PTP4A1: variants seen among roughly 807,000 people sequenced by gnomAD.
PTP4A1 encodes protein tyrosine phosphatase 4A1.
In PTP4A1, 9 loss-of-function variants were observed where a neutral mutation model predicts 20.5. The observed-to-expected ratio is 0.44, with a 90% CI of 0.26 to 0.77. The LOEUF (loss-of-function observed/expected upper bound fraction) is 0.77, where lower values mean the gene tolerates loss of function less well. Among genes scored for constraint, PTP4A1 ranks in the 30% least tolerant of loss-of-function variants. PTP4A1 has a pLI of 0.19. For synonymous variants in PTP4A1, 78 were observed against 67.4 expected, an observed-to-expected ratio of 1.16 and a Z score of -0.77; for missense variants, 137 against 218.8, an observed-to-expected ratio of 0.63 and a Z score of 2.36.
chr6:63,530,714 A>C (rs1406181453), intron 2 of PTP4A1, among the ~76,000 whole-genome samples: 1 of 152,230 alleles, frequency 6.6e-6, no homozygotes, highest in Non-Finnish European at 1.5e-5. Flanking sequence ...GATCAGAAGG[A>C]AGTACATCAA....
chr6:63,581,162 C>T lies in PTP4A1; in HGVS notation c.*988C>T, dbSNP rs1778201203. ...GTGTGATTTTTTTTTTCCTTCCCAA[C>T]CTCTCTTGCAAAAAAAGAAATGGGT... On this transcript the variant is annotated 3_prime_UTR_variant, in exon 6 of 6. Coordinates refer to ENST00000626021, the MANE Select transcript of PTP4A1 (RefSeq NM_003463.5). 6.6e-6 allele frequency: 1 copy of T among 151,824 alleles called. No homozygotes were observed. The highest frequency in any genetic ancestry group is 2.4e-5 in the African/African-American group (1 of 41,308). 9.4% of individuals were successfully genotyped at this position (151,824 alleles called of 1,614,324 possible). A position where few individuals can be genotyped will look rare whatever the true frequency, so the allele number is the denominator to read the frequency against.
intron 3 of PTP4A1, among the ~76,000 whole-genome samples, chr6:63,561,686 G>C (rs898271645): frequency 1.4e-4 from 21 of 152,128 alleles, no homozygotes; most frequent in Admixed American, 1.4e-3. Flanking sequence ...TGATTTCTTG[G>C]TTTATAGCCA....
In PTP4A1 at chr6:63,556,777, G is replaced by A. The variant is rs968350081; in HGVS notation, c.-446+6284G>A. On this transcript the variant is annotated intron_variant, in intron 3 of 3. Coordinates refer to the PTP4A1 transcript ENST00000639568. ...AAGTATGATTATTCTAAACAGTAAC[G>A]TAAAAGTGAGTTGTTAATCGACTTT... Among the ~76,000 whole-genome samples the A allele has an allele frequency of 4.6e-5, 7 of 152,112 alleles. No individual in the cohort carries two copies. In the South Asian group the frequency reaches 1.0e-3, roughly 22 times the overall value.
intron 3 of PTP4A1, among the ~76,000 whole-genome samples, chr6:63,555,500 T>C (rs16879705): frequency 0.075 from 11,412 of 152,254 alleles, 475 homozygotes; most frequent in East Asian, 0.16. Context: ...GAAGTATTAC[T>C]ACTGCCAGTG....
At chr6:63,563,576 T>G (rs13205487) in intron 3 of PTP4A1, among the ~76,000 whole-genome samples, 37,261 of 152,228 alleles carry the variant, frequency 0.24, 5,564 homozygotes, top group Non-Finnish European at 0.33. Flanking sequence ...TATTCTATGC[T>G]TATTTACTTG....
intron 3 of PTP4A1, among the ~76,000 whole-genome samples, chr6:63,556,238 C>G (rs1378799234): frequency 1.3e-5 from 2 of 151,942 alleles, no homozygotes; most frequent in African/African-American, 4.8e-5. Context: ...CAGCTCACTG[C>G]AGCTCTTCCT....
chr6:63,565,988 T>TA (rs1777173977), intron 3 of PTP4A1, among the ~76,000 whole-genome samples: 1 of 152,212 alleles, frequency 6.6e-6, no homozygotes, highest in South Asian at 2.1e-4. Context: ...ACCACCACAA[T>TA]AAAACAGGTA....
chr6:63,523,998 T>C (rs1775053407), intron 1 of PTP4A1, among the ~76,000 whole-genome samples: 1 of 152,182 alleles, frequency 6.6e-6, no homozygotes, highest in South Asian at 2.1e-4. Flanking sequence ...CTTTTTTTTT[T>C]CTGGAGACAG....
At chr6:63,548,684 T>C (rs1441875766) in intron 2 of PTP4A1, 2 of 515,036 alleles carry the variant, frequency 3.9e-6, no homozygotes, top group East Asian at 6.5e-5. Flanking sequence ...TATTTTTATG[T>C]ACAGAAAACT....
At chr6:63,552,369 T>G (rs1776489263) in intron 3 of PTP4A1, among the ~76,000 whole-genome samples, 1 of 152,214 alleles carries the variant, frequency 6.6e-6, no homozygotes, top group African/African-American at 2.4e-5. Flanking sequence ...TTACCCACTT[T>G]TTGATGGGGT....
chr6:63,574,855 C>T (rs922054206), intron 1 of PTP4A1, among the ~76,000 whole-genome samples: 1 of 152,162 alleles, frequency 6.6e-6, no homozygotes, highest in Non-Finnish European at 1.5e-5. Flanking sequence ...TTACTACAAT[C>T]TGTATTCACT....
At chr6:63,550,421 AG>A (rs1265452292) in exon 3 of PTP4A1, 1 of 152,108 alleles carries the variant, frequency 6.6e-6, no homozygotes, top group Non-Finnish European at 1.5e-5. Flanking sequence ...ACTCTACCTG[AG>A]GGTGAAGCTA....
At chr6:63,573,668 G>T (rs979339873) in intron 1 of PTP4A1, 1 of 152,356 alleles carries the variant, frequency 6.6e-6, no homozygotes, top group African/African-American at 2.4e-5. Flanking sequence ...CTGGTAATTC[G>T]AGCTGTTCCG....
At chr6:63,522,696 T>C (rs1289911694) in intron 1 of PTP4A1, among the ~76,000 whole-genome samples, 2 of 152,172 alleles carry the variant, frequency 1.3e-5, no homozygotes, top group African/African-American at 4.8e-5. Context: ...GGGATTCCTA[T>C]TGCTCATATG....
intron 2 of PTP4A1, chr6:63,549,581 G>A (rs1776347092): frequency 6.7e-6 from 4 of 599,768 alleles, no homozygotes; most frequent in South Asian, 4.2e-5. Context: ...TTTTTTTAAA[G>A]AAAACCTTTA....
At chr6:63,540,154 T>C (rs1244350977) in intron 2 of PTP4A1, among the ~76,000 whole-genome samples, 3 of 152,198 alleles carry the variant, frequency 2.0e-5, no homozygotes, top group Admixed American at 6.5e-5. Flanking sequence ...AGGATGATGA[T>C]GGAATCTGGT....
chr6:63,536,504 G>C (rs2149481028), intron 2 of PTP4A1, among the ~76,000 whole-genome samples: 1 of 152,296 alleles, frequency 6.6e-6, no homozygotes, highest in South Asian at 2.1e-4. Flanking sequence ...GATTAAAACA[G>C]TGGTATTCAA....
rs61533550 is a variant in PTP4A1, at chr6:63,534,452, AACACACACACAC to A, written c.-640+6391_-640+6402del. Among the ~76,000 whole-genome samples the A allele has an allele frequency of 7.6e-5, 11 of 144,506 alleles. No homozygotes were observed. In the East Asian group the frequency reaches 1.0e-3, roughly 14 times the overall value. 94.8% of individuals were successfully genotyped at this position (144,506 alleles called of 152,430 possible). On this transcript the variant is annotated intron_variant, in intron 2 of 3. Coordinates refer to the PTP4A1 transcript ENST00000639568. Reference sequence around the variant, plus strand: ...GAAGCCATCACCACACACACAGAGAAACACACACACACACACACACACACACACACACACCTC... The same window carrying A: ...GAAGCCATCACCACACACACAGAGAAACACACACACACACACACACACCTC...
At chr6:63,535,748 C>T (rs1360581762) in intron 2 of PTP4A1, among the ~76,000 whole-genome samples, 2 of 152,180 alleles carry the variant, frequency 1.3e-5, no homozygotes, top group African/African-American at 4.8e-5. Flanking sequence ...ACAAAGCTGA[C>T]AGCCTTCCGG....
Sources: gnomAD v4.1 joint callset for allele counts (sites outside exome capture counted in the v4.1 genomes callset) on GRCh38, gnomAD v4.1.1 for gene constraint, MANE v1.5 for transcripts, NCBI Gene and HGNC (gene_info 2026-07-23, HGNC 2026-07-21) for gene names.